Variants in TPO observed in about 807,000 individuals in gnomAD.
TPO encodes the protein thyroid microsomal antigen.
A neutral mutation model predicts 96.9 loss-of-function variants in TPO; 78 were observed. That is an observed-to-expected ratio of 0.81 (90% confidence interval 0.67 to 0.97). The LOEUF is 0.97. Among genes scored for constraint, TPO ranks in the 50% least tolerant of loss-of-function variants. The pLI, the probability that TPO is intolerant of heterozygous loss-of-function variation, is 0.00. For synonymous variants in TPO, 547 were observed against 538.0 expected (o/e 1.02, Z -0.23); for missense variants, 1,252 against 1,274.8 (o/e 0.98, Z 0.27).
intron 15 of TPO, among the ~76,000 whole-genome samples, chr2:1,522,258 GC>G (rs1250489580): frequency 1.2e-5 from 1 of 86,284 alleles, no homozygotes; most frequent in East Asian, 3.1e-4. Context: ...CCGCCACCGT[GC>G]CCTCACAGTC....
chr2:1,536,878 C>G (rs1362137610), intron 15 of TPO, among the ~76,000 whole-genome samples: 1 of 136,562 alleles, frequency 7.3e-6, no homozygotes, highest in East Asian at 2.3e-4. Flanking sequence ...CGAATACCCA[C>G]CACTCTGTGC....
intron 1 of TPO, among the ~76,000 whole-genome samples, chr2:1,385,136 TC>T (rs1661870258): frequency 6.6e-6 from 1 of 152,226 alleles, no homozygotes; most frequent in Non-Finnish European, 1.5e-5. Flanking sequence ...GATTTTTGCA[TC>T]AGTGTTCATC....
chr2:1,481,352 C>T (rs1670623315), intron 8 of TPO, among the ~76,000 whole-genome samples: 1 of 152,326 alleles, frequency 6.6e-6, no homozygotes, highest in Admixed American at 6.5e-5. Context: ...GCCATCCAGG[C>T]AGCATGGAGT....
intron 14 of TPO, among the ~76,000 whole-genome samples, chr2:1,514,930 CT>C (rs942795535): frequency 1.1e-4 from 16 of 152,180 alleles, no homozygotes; most frequent in African/African-American, 3.6e-4. Context: ...CAATCAGATG[CT>C]CGCCACGGCC....
intron 7 of TPO, among the ~76,000 whole-genome samples, chr2:1,462,465 C>A: frequency 6.6e-6 from 1 of 151,830 alleles, no homozygotes; most frequent in East Asian, 1.9e-4. Flanking sequence ...GGAATAAACA[C>A]CCGATGTGAA....
At chr2:1,473,933 A>T (rs931644732) in intron 7 of TPO, among the ~76,000 whole-genome samples, 1 of 152,190 alleles carries the variant, frequency 6.6e-6, no homozygotes, top group African/African-American at 2.4e-5. Flanking sequence ...GACATCTAAC[A>T]TAGCATTAAG....
chr2:1,509,990 A>C (rs906344499), intron 14 of TPO, among the ~76,000 whole-genome samples: 1 of 151,770 alleles, frequency 6.6e-6, no homozygotes, highest in Non-Finnish European at 1.5e-5. Flanking sequence ...GGGACACCAC[A>C]CCCTCTTGTT....
chr2:1,396,090 A>G (rs1044068533), intron 1 of TPO, among the ~76,000 whole-genome samples: 4 of 152,210 alleles, frequency 2.6e-5, no homozygotes, highest in African/African-American at 9.6e-5. Flanking sequence ...GCTCTGCTGG[A>G]AGCTCACGTG....
At chr2:1,480,578 A>ACACACACACT (rs1170749676) in intron 8 of TPO, among the ~76,000 whole-genome samples, 4 of 142,594 alleles carry the variant, frequency 2.8e-5, no homozygotes, top group African/African-American at 1.1e-4. Flanking sequence ...ACACACACAC[A>ACACACACACT]CACACACACA....
rs2276702 is a variant in TPO, at chr2:1,422,849, A to G, written c.95-196A>G. ...TCCCATCCTCCAGGCAGCTCCGTGC[A>G]GTGGGGGTGGACGCCCCTCTGTAGC... is the stretch of plus-strand genomic sequence containing the variant. On this transcript the variant is annotated intron_variant, in intron 2 of 16. Coordinates refer to ENST00000329066, the MANE Select transcript of TPO (RefSeq NM_001206744.2). Among the ~76,000 whole-genome samples the G allele has an allele frequency of 0.54, 82,579 of 152,070 alleles. 22,666 individuals carry two copies. The highest frequency in any genetic ancestry group is 0.63 in the Middle Eastern group (184 of 294).
chr2:1,484,165 G>T (rs1358306036), intron 8 of TPO, among the ~76,000 whole-genome samples: 1 of 152,158 alleles, frequency 6.6e-6, no homozygotes, highest in Non-Finnish European at 1.5e-5. Context: ...ATTTTCCATC[G>T]ACAGAGCTCT....
Position 1,456,174 on chromosome 2 carries a change from C to G in TPO, c.711C>G (p.Ile237Met), listed in dbSNP as rs756113203. ...SDLLMAWGQY[I>M]DHDIAFTPQS... is the part of the protein sequence containing the mutation. ...TCCTGATGGCATGGGGACAATACAT[C>G]GACCACGACATCGCGTTCACACCAC... The change falls in exon 7 of 17, where the codon ATC becomes ATG. Residue 237 changes from isoleucine to methionine, a missense_variant. Transcript: ENST00000329066. 1 of 1,614,078 alleles carries G rather than the reference C, an allele frequency of 6.2e-7. No individual in the cohort carries two copies. The highest frequency in any genetic ancestry group is 8.5e-7 in the Non-Finnish European group (1 of 1,180,038).
intron 13 of TPO, 30 bp from the exon 14 acceptor site, chr2:1,503,918 C>A (rs1360973577): frequency 3.1e-6 from 5 of 1,614,152 alleles, no homozygotes; most frequent in Non-Finnish European, 4.2e-6. Context: ...GCCGCTTCCT[C>A]TCACGTGTGT....
At chr2:1,392,233 A>G (rs945821501) in intron 1 of TPO, among the ~76,000 whole-genome samples, 3 of 152,200 alleles carry the variant, frequency 2.0e-5, no homozygotes, top group African/African-American at 4.8e-5. Flanking sequence ...AATTTCATCA[A>G]AGGCCTTTTC....
At chr2:1,453,969 A>G (rs1268942634) in intron 6 of TPO, 146 bp downstream of exon 6, 7 of 1,328,510 alleles carry the variant, frequency 5.3e-6, no homozygotes, top group Admixed American at 2.0e-5. Flanking sequence ...TGATGTAGCA[A>G]TCACTGTTTC....
At chr2:1,536,848 G>C (rs180836867) in intron 15 of TPO, among the ~76,000 whole-genome samples, 22 of 15,222 alleles carry the variant, frequency 1.4e-3, no homozygotes, top group Admixed American at 2.9e-3. Context: ...CCCAAATCCC[G>C]CCACTGTGTT....
At chr2:1,427,912 A>G (rs765077463) in intron 3 of TPO, among the ~76,000 whole-genome samples, 1 of 152,154 alleles carries the variant, frequency 6.6e-6, no homozygotes, top group African/African-American at 2.4e-5. Flanking sequence ...TCACGGTGAA[A>G]CACTCTGGGC....
rs1327030561 is a variant in TPO at position 1,459,919 on chromosome 2, G to A, written c.819+3637G>A. Among the ~76,000 whole-genome samples the A allele has an allele frequency of 2.0e-5, 3 of 150,308 alleles. No homozygotes were observed. The East Asian group carries it at 6.0e-4, about 30-fold the overall frequency. On this transcript the variant is annotated intron_variant, in intron 7 of 16. Coordinates refer to ENST00000329066, the MANE Select transcript of TPO (RefSeq NM_001206744.2). ...CCCCTGCATGTGTTCCCTGCTGCAT[G>A]TACCTCTAACCTGGGATTCTTTCTT...
In TPO at chr2:1,527,720, G is replaced by T. The variant is rs1444653870; in HGVS notation, c.2618+10738G>T. Reference sequence around the variant, plus strand: ...CAACCACACAAAATCCCGCCACTGTGTGCAACCTCACCAAATTTCTCCCAC... The same window carrying T: ...CAACCACACAAAATCCCGCCACTGTTTGCAACCTCACCAAATTTCTCCCAC... On this transcript the variant is annotated intron_variant, in intron 15 of 16. Transcript: ENST00000329066. 3.1e-5 allele frequency among the ~76,000 whole-genome samples: 4 copies of T among 130,036 alleles called. No individual in the cohort carries two copies. The Admixed American group carries it at 3.4e-4, about 11-fold the overall frequency. The allele number at this position is 130,036 out of a possible 152,430, so 85.3% of individuals were successfully genotyped here.
Sources: allele counts gnomAD v4.1 joint callset (sites outside exome capture counted in the v4.1 genomes callset), GRCh38; gene constraint gnomAD v4.1.1; transcripts MANE v1.5; gene names NCBI Gene and HGNC (gene_info 2026-07-23, HGNC 2026-07-21).